Variants in ESF1 observed in about 807,000 individuals in gnomAD.
ESF1 encodes ESF1 nucleolar pre-rRNA processing protein.
Under a neutral mutation model 92.0 loss-of-function variants are expected in ESF1, and 58 were observed. That is an observed-to-expected ratio of 0.63 (90% CI 0.51 to 0.78). The LOEUF (loss-of-function observed/expected upper bound fraction) is 0.78. ESF1 is among the 30% of genes least tolerant of loss of function. The pLI is 0.00. For synonymous variants in ESF1, 321 were observed against 313.7 expected (o/e 1.02, Z -0.24); for missense variants, 922 against 989.1 (o/e 0.93, Z 0.91).
At chr20:13,772,471 T>C (rs769566817) in intron 5 of ESF1, 44 bp downstream of exon 5, 18 of 1,382,336 alleles carry the variant, frequency 1.3e-5, no homozygotes, top group Non-Finnish European at 1.9e-5. Flanking sequence ...ACTAATGACA[T>C]GAATTTATGA....
Position 13,782,621 on chromosome 20 carries a change from G to A in ESF1, c.520C>T (p.Gln174Ter). 6.2e-7 allele frequency: 1 copy of A among 1,607,848 alleles called. No homozygotes were observed. The highest frequency in any genetic ancestry group is 8.5e-7 in the Non-Finnish European group (1 of 1,178,588). The change falls in exon 2 of 14, where the codon CAA becomes TAA. Residue 174 changes from glutamine to a stop codon, truncating the protein, a stop_gained. Transcript: ENST00000617257. LOFTEE classifies it high-confidence loss of function. Reference protein sequence around the residue: ...KNKKEKKNIVQHTTDSSLEEK... With the variant: ...KNKKEKKNIV ...TCGAGAGAAGAGTCTGTAGTATGTT[G>A]AACAATGTTTTTTTTCTCTTTCTTA...
intron 12 of ESF1, 86 bp from the exon 13 acceptor site, chr20:13,717,600 T>C (rs995046355): frequency 2.9e-5 from 42 of 1,460,168 alleles, no homozygotes; most frequent in Non-Finnish European, 3.7e-5. Context: ...AGATATCTCT[T>C]CTAGAAAGGA....
intron 9 of ESF1, among the ~76,000 whole-genome samples, chr20:13,748,405 T>TATACACATATATATACAA: frequency 6.7e-6 from 1 of 150,078 alleles, no homozygotes; most frequent in Non-Finnish European, 1.5e-5. Flanking sequence ...AAAGGATATA[T>TATACACATATATATACAA]ATACACATAT....
rs1268683430 is a variant in ESF1 at position 13,771,336 on chromosome 20, A to G, written c.1398T>C (p.Asp466=). The stretch of plus-strand genomic sequence containing the variant: ...TAATACATACACTGGATTACCTTAG[A>G]TCTATGAAAGAACAACTACTTTCAA... The part of the protein sequence containing the change: ...LEFESSCSFI[D]LRFIPDDITF... The change falls in exon 6 of 14, where the codon GAT becomes GAC. Residue 466 remains aspartate (D), a synonymous_variant. Coordinates refer to ENST00000617257, the MANE Select transcript of ESF1 (RefSeq NM_001276380.2). 6.2e-7 allele frequency: 1 copy of G among 1,611,260 alleles called. No homozygotes were observed. The highest frequency in any genetic ancestry group is 2.2e-5 in the East Asian group (1 of 44,764).
chr20:13,714,611 T>C lies in ESF1; in HGVS notation c.*263A>G, dbSNP rs540494656. 1 of 273,868 alleles carries C rather than the reference T, an allele frequency of 3.7e-6. No individual in the cohort carries two copies. The highest frequency in any genetic ancestry group is 2.2e-5 in the African/African-American group (1 of 45,720). The allele number at this position is 273,868 out of a possible 1,614,324, so 17.0% of individuals were successfully genotyped here. A position where few individuals can be genotyped will look rare whatever the true frequency, so the allele number is the denominator to read the frequency against. On this transcript the variant is annotated 3_prime_UTR_variant, in exon 14 of 14. Transcript: ENST00000617257. ...AGAGTAACTTTCCACTAGTTAGAAC[T>C]GAACATTGTAAAATATAAAAATTTT... is the stretch of plus-strand genomic sequence containing the variant.
chr20:13,776,748 C>T (rs554365662), intron 2 of ESF1, among the ~76,000 whole-genome samples: 1 of 152,110 alleles, frequency 6.6e-6, no homozygotes, highest in South Asian at 2.1e-4. Context: ...TAATGGGGTC[C>T]CTAAGTGAGT....
intron 11 of ESF1, among the ~76,000 whole-genome samples, chr20:13,726,508 C>T (rs2049901808): frequency 6.6e-6 from 1 of 152,240 alleles, no homozygotes; most frequent in Non-Finnish European, 1.5e-5. Context: ...ATGCCATCAT[C>T]TCAGAGAAGC....
chr20:13,755,140 C>T (rs1978830459), intron 9 of ESF1, among the ~76,000 whole-genome samples: 1 of 152,046 alleles, frequency 6.6e-6, no homozygotes, highest in Non-Finnish European at 1.5e-5. Context: ...AGAATAATTC[C>T]CGGCACAGAG....
intron 8 of ESF1, among the ~76,000 whole-genome samples, chr20:13,761,277 A>C (rs1979182750): frequency 6.6e-6 from 1 of 151,898 alleles, no homozygotes; most frequent in Non-Finnish European, 1.5e-5. Context: ...TAGGAAAACC[A>C]GAGATCTTTG....
intron 9 of ESF1, among the ~76,000 whole-genome samples, chr20:13,750,497 TC>T (rs1978583623): frequency 6.6e-6 from 1 of 151,990 alleles, no homozygotes; most frequent in South Asian, 2.1e-4. Context: ...AGAGCGAGAC[TC>T]CCTCTCGAAA....
intron 9 of ESF1, among the ~76,000 whole-genome samples, chr20:13,749,538 G>A (rs1234547264): frequency 2.0e-5 from 3 of 151,818 alleles, no homozygotes; most frequent in Admixed American, 6.6e-5. Context: ...ATCACTGAAT[G>A]GGTAGATTGA....
At chr20:13,717,268 A>G in intron 13 of ESF1, 100 bp downstream of exon 13, 1 of 1,449,826 alleles carries the variant, frequency 6.9e-7, no homozygotes, top group Non-Finnish European at 9.4e-7. Context: ...CCCCTAAGAC[A>G]TTTTCAAGGG....
intron 9 of ESF1, among the ~76,000 whole-genome samples, chr20:13,753,352 C>T (rs1374126614): frequency 1.3e-5 from 2 of 151,066 alleles, no homozygotes; most frequent in African/African-American, 2.4e-5. Flanking sequence ...TTCTCTCCCA[C>T]TGTCCCTGCG....
intron 9 of ESF1, among the ~76,000 whole-genome samples, chr20:13,741,513 G>A (rs2050013538): frequency 7.9e-5 from 12 of 151,984 alleles, no homozygotes; most frequent in Admixed American, 7.9e-4. Context: ...CTGAAACTCT[G>A]GTACATGAGA....
chr20:13,769,081 C>T lies in ESF1; in HGVS notation c.1518+826G>A, dbSNP rs543178155. Among the ~76,000 whole-genome samples, 3 of 152,216 alleles carry T rather than the reference C, an allele frequency of 2.0e-5. No homozygotes were observed. The East Asian group carries it at 5.8e-4, about 29-fold the overall frequency. The stretch of plus-strand genomic sequence containing the variant: ...GAATCATCTGCAGAAAAAGGTACTC[C>T]TATTTTAAATTTTCACTAGTTTTGT... On this transcript the variant is annotated intron_variant, in intron 7 of 13. Coordinates refer to ENST00000617257, the MANE Select transcript of ESF1 (RefSeq NM_001276380.2).
intron 8 of ESF1, among the ~76,000 whole-genome samples, chr20:13,762,044 T>C (rs1476022700): frequency 2.0e-5 from 3 of 152,192 alleles, no homozygotes; most frequent in Non-Finnish European, 4.4e-5. Flanking sequence ...ATTGTCCTTG[T>C]ATCTTTTTTA....
intron 2 of ESF1, among the ~76,000 whole-genome samples, chr20:13,777,771 T>G (rs185201200): frequency 6.1e-5 from 9 of 148,484 alleles, no homozygotes; most frequent in Non-Finnish European, 1.2e-4. Context: ...TAGATATATC[T>G]TACGTGTTTT....
intron 10 of ESF1, among the ~76,000 whole-genome samples, chr20:13,729,828 C>T (rs1442657857): frequency 6.6e-6 from 1 of 152,128 alleles, no homozygotes; most frequent in Non-Finnish European, 1.5e-5. Context: ...CTAATTTGAA[C>T]AGACTTTTTA....
At chr20:13,753,770 T>C (rs1397027811) in intron 9 of ESF1, among the ~76,000 whole-genome samples, 1 of 152,172 alleles carries the variant, frequency 6.6e-6, no homozygotes, top group Non-Finnish European at 1.5e-5. Context: ...TTTCCAAGCA[T>C]CCTACTCTTC....
Sources: allele counts gnomAD v4.1 joint callset (sites outside exome capture counted in the v4.1 genomes callset), GRCh38; gene constraint gnomAD v4.1.1; transcripts MANE v1.5; gene names NCBI Gene and HGNC (gene_info 2026-07-23, HGNC 2026-07-21).